COL6A6: variants seen among roughly 807,000 people sequenced by gnomAD.
The protein encoded by COL6A6 is collagen type VI alpha 6 chain.
A neutral mutation model predicts 208.6 loss-of-function variants in COL6A6; 183 were observed. That is an observed-to-expected ratio of 0.88 (90% CI 0.78 to 0.99). The LOEUF is 0.99. Ranked by LOEUF, COL6A6 falls within the 50% of genes least tolerant of loss-of-function variation. The probability of loss-of-function intolerance (pLI) is 0.00; values close to 1 mark genes in which losing one functional copy is unlikely to be tolerated. For synonymous variants in COL6A6, 973 were observed against 1,011.8 expected, an observed-to-expected ratio of 0.96 and a Z score of 0.73; for missense variants, 2,816 against 2,815.2, an observed-to-expected ratio of 1.00 and a Z score of -0.01.
intron 1 of COL6A6, among the ~76,000 whole-genome samples, chr3:130,556,063 G>A (rs796492223): frequency 1.6e-4 from 24 of 152,126 alleles, no homozygotes; most frequent in African/African-American, 1.4e-4. Context: ...AGTCTTCAGG[G>A]ACTATTATTC....
chr3:130,586,205 C>G (rs777190167), intron 10 of COL6A6, among the ~76,000 whole-genome samples: 3 of 152,206 alleles, frequency 2.0e-5, no homozygotes, highest in Non-Finnish European at 4.4e-5. Context: ...GTGAATTTCT[C>G]TTTACTTTAG....
At chr3:130,636,623 T>C (rs1301738487) in intron 28 of COL6A6, among the ~76,000 whole-genome samples, 2 of 151,982 alleles carry the variant, frequency 1.3e-5, no homozygotes, top group Non-Finnish European at 2.9e-5. Context: ...ATAGCTAATT[T>C]TGCTCTGATC....
intron 21 of COL6A6, 110 bp downstream of exon 21, chr3:130,607,076 T>A: frequency 1.2e-6 from 1 of 809,102 alleles, no homozygotes; most frequent in Non-Finnish European, 1.9e-6. Flanking sequence ...TGATATTGGT[T>A]ATGGAATAGA....
At chr3:130,581,535 A>T in intron 8 of COL6A6, 26 bp from the exon 9 acceptor site, 1 of 1,520,340 alleles carries the variant, frequency 6.6e-7, no homozygotes, top group Non-Finnish European at 8.9e-7. Context: ...TGATTTATTA[A>T]GACATGCTTT....
chr3:130,532,940 AATAT>A (rs2062134591), intron 1 of COL6A6, among the ~76,000 whole-genome samples: 1 of 151,882 alleles, frequency 6.6e-6, no homozygotes, highest in African/African-American at 2.4e-5. Context: ...ATTTTTTCAC[AATAT>A]GGATTCAGAA....
intron 36 of COL6A6, among the ~76,000 whole-genome samples, chr3:130,668,186 T>C (rs2108483312): frequency 6.6e-6 from 1 of 151,868 alleles, no homozygotes; most frequent in South Asian, 2.1e-4. Flanking sequence ...CAAAATAAAA[T>C]CCAGCTTCAG....
chr3:130,654,547 T>C (rs2065735664), intron 33 of COL6A6, among the ~76,000 whole-genome samples: 1 of 152,238 alleles, frequency 6.6e-6, no homozygotes, highest in Admixed American at 6.5e-5. Flanking sequence ...CAAAAACCAA[T>C]TTAAGCTAGC....
intron 1 of COL6A6, among the ~76,000 whole-genome samples, chr3:130,545,850 C>T (rs1217646245): frequency 6.6e-6 from 1 of 152,168 alleles, no homozygotes; most frequent in Admixed American, 6.5e-5. Context: ...GCTCTCTAAG[C>T]TTCCTGTATC....
intron 8 of COL6A6, 48 bp downstream of exon 8, chr3:130,574,573 T>C (rs752715283): frequency 6.8e-7 from 1 of 1,478,488 alleles, no homozygotes; most frequent in East Asian, 2.3e-5. Flanking sequence ...CCATCTTCTC[T>C]GGCATTTTCT....
chr3:130,617,704 C>G (rs549650894), intron 23 of COL6A6, among the ~76,000 whole-genome samples: 1 of 152,136 alleles, frequency 6.6e-6, no homozygotes, highest in Non-Finnish European at 1.5e-5. Context: ...ACTTGATCTC[C>G]TTGTTTCTTT....
chr3:130,602,823 TG>T (rs1243310653), intron 20 of COL6A6, among the ~76,000 whole-genome samples: 1 of 152,204 alleles, frequency 6.6e-6, no homozygotes, highest in Non-Finnish European at 1.5e-5. Context: ...TATTTCTAGA[TG>T]GAGGAGTTGG....
intron 10 of COL6A6, among the ~76,000 whole-genome samples, chr3:130,585,041 A>G (rs2063506426): frequency 6.6e-6 from 1 of 152,186 alleles, no homozygotes; most frequent in African/African-American, 2.4e-5. Context: ...ATAAAATCAT[A>G]TCATATAAAT....
intron 1 of COL6A6, among the ~76,000 whole-genome samples, chr3:130,547,423 T>C (rs963160580): frequency 1.3e-5 from 2 of 152,184 alleles, no homozygotes; most frequent in African/African-American, 4.8e-5. Flanking sequence ...ACACAGCCCT[T>C]GGTTCTGGCC....
At chr3:130,602,522 G>A (rs571773401) in intron 20 of COL6A6, among the ~76,000 whole-genome samples, 21 of 152,200 alleles carry the variant, frequency 1.4e-4, no homozygotes, top group African/African-American at 5.1e-4. Flanking sequence ...AGTTCTCCAG[G>A]GTCTCAAAGA....
intron 32 of COL6A6, among the ~76,000 whole-genome samples, chr3:130,648,220 T>C (rs2065517496): frequency 6.6e-6 from 1 of 152,264 alleles, no homozygotes; most frequent in Admixed American, 6.5e-5. Context: ...GGCATATTTA[T>C]TGAGTAAACT....
chr3:130,534,957 C>T (rs556123449), intron 1 of COL6A6, among the ~76,000 whole-genome samples: 3 of 152,100 alleles, frequency 2.0e-5, no homozygotes, highest in Middle Eastern at 3.4e-3. Context: ...TGGCATCTAT[C>T]GATATGAATG....
At chr3:130,545,016 T>C (rs1220854619) in intron 1 of COL6A6, among the ~76,000 whole-genome samples, 5 of 152,362 alleles carry the variant, frequency 3.3e-5, no homozygotes, top group South Asian at 2.1e-4. Flanking sequence ...ACATTTTAGT[T>C]TGATGTATGC....
intron 1 of COL6A6, among the ~76,000 whole-genome samples, chr3:130,545,503 G>GAGTGC (rs2062472252): frequency 1.3e-5 from 2 of 150,572 alleles, no homozygotes; most frequent in Non-Finnish European, 2.9e-5. Flanking sequence ...GCCCAGGCTG[G>GAGTGC]AGTGCAGTGG....
At chr3:130,628,170 T>C (rs945837571) in intron 26 of COL6A6, among the ~76,000 whole-genome samples, 2 of 152,108 alleles carry the variant, frequency 1.3e-5, no homozygotes, top group African/African-American at 4.8e-5. Flanking sequence ...CTAGAACTAT[T>C]TGAAAAATAA....
Sources: allele counts gnomAD v4.1 joint callset (sites outside exome capture counted in the v4.1 genomes callset), GRCh38; gene constraint gnomAD v4.1.1; transcripts MANE v1.5; gene names NCBI Gene and HGNC (gene_info 2026-07-23, HGNC 2026-07-21).